Variants in GPD2 observed in about 807,000 individuals in gnomAD.
GPD2 encodes the protein glycerol-3-phosphate dehydrogenase 2, also known as glycerol-3-phosphate dehydrogenase, mitochondrial.
In GPD2, 54 loss-of-function variants were observed where a neutral mutation model predicts 82.4. That is an observed-to-expected ratio of 0.66 (90% CI 0.53 to 0.82). The LOEUF (loss-of-function observed/expected upper bound fraction) is 0.82. Ranked by LOEUF, GPD2 falls within the 40% of genes least tolerant of loss-of-function variation. GPD2 has a pLI of 0.00. For synonymous variants in GPD2, 288 were observed against 306.1 expected, an observed-to-expected ratio of 0.94 and a Z score of 0.62; for missense variants, 748 against 896.2, an observed-to-expected ratio of 0.83 and a Z score of 2.11.
chr2:156,499,846 C>A (rs1684523844), intron 3 of GPD2, among the ~76,000 whole-genome samples: 1 of 149,566 alleles, frequency 6.7e-6, no homozygotes, highest in African/African-American at 2.5e-5. Flanking sequence ...TGCTATTTGT[C>A]AATCAAGTTC....
intron 1 of GPD2, among the ~76,000 whole-genome samples, chr2:156,466,392 T>G (rs1279485230): frequency 6.6e-6 from 1 of 152,234 alleles, no homozygotes; most frequent in Non-Finnish European, 1.5e-5. Flanking sequence ...TATTTGCATT[T>G]AATGAATATA....
intron 9 of GPD2, among the ~76,000 whole-genome samples, chr2:156,565,377 A>G (rs978456857): frequency 6.6e-6 from 1 of 152,122 alleles, no homozygotes; most frequent in Non-Finnish European, 1.5e-5. Context: ...ACTTTTTACA[A>G]CTTGTTTTGA....
intron 16 of GPD2, among the ~76,000 whole-genome samples, chr2:156,580,293 A>G (rs1687982268): frequency 6.6e-6 from 1 of 152,224 alleles, no homozygotes; most frequent in South Asian, 2.1e-4. Context: ...AACATAAGGA[A>G]GGAAACTTGT....
Position 156,579,799 on chromosome 2 carries a change from GT to G in GPD2, c.2058+12del. 7.9e-7 allele frequency: 1 copy of G among 1,260,694 alleles called. No homozygotes were observed. The highest frequency in any genetic ancestry group is 1.2e-6 in the Non-Finnish European group (1 of 857,024). The allele number at this position is 1,260,694 out of a possible 1,614,324, so 78.1% of individuals were successfully genotyped here. On this transcript the variant is annotated intron_variant, in intron 16 of 16. Transcript: ENST00000438166. ...AATGAATTTTTGCAGGTGAGTTGTG[GT>G]GAAAGGAAACAAGGATATTTGCTTT... is the stretch of plus-strand genomic sequence containing the variant.
chr2:156,497,381 T>G (rs998074484), intron 3 of GPD2, among the ~76,000 whole-genome samples: 1 of 152,164 alleles, frequency 6.6e-6, no homozygotes, highest in Non-Finnish European at 1.5e-5. Flanking sequence ...CAGAACCAAT[T>G]GTCTTGGAGA....
chr2:156,564,556 A>G (rs1020984064), intron 9 of GPD2, among the ~76,000 whole-genome samples: 1 of 152,072 alleles, frequency 6.6e-6, no homozygotes, highest in Non-Finnish European at 1.5e-5. Flanking sequence ...CAAGGTCCTG[A>G]GGAGTCATTA....
intron 6 of GPD2, among the ~76,000 whole-genome samples, chr2:156,527,018 A>T (rs543945117): frequency 6.6e-5 from 10 of 152,256 alleles, no homozygotes; most frequent in Non-Finnish European, 1.3e-4. Flanking sequence ...TTTCAAGAGG[A>T]TCAGGAGTCT....
At chr2:156,579,490 G>A (rs946555508) in intron 15 of GPD2, among the ~76,000 whole-genome samples, 200 bp from the exon 16 acceptor site, 2 of 151,390 alleles carry the variant, frequency 1.3e-5, no homozygotes, top group Non-Finnish European at 2.9e-5. Context: ...CACCATGCCC[G>A]GCTAATTTTT....
At chr2:156,559,843 G>A (rs1687104450) in intron 9 of GPD2, among the ~76,000 whole-genome samples, 1 of 152,086 alleles carries the variant, frequency 6.6e-6, no homozygotes, top group Non-Finnish European at 1.5e-5. Context: ...TACTGAAACT[G>A]CATTACAATT....
intron 6 of GPD2, among the ~76,000 whole-genome samples, chr2:156,540,522 C>T (rs1553475094): frequency 6.6e-6 from 1 of 152,194 alleles, no homozygotes; most frequent in Non-Finnish European, 1.5e-5. Context: ...GCTATGGAAA[C>T]ATACCCATTT....
chr2:156,403,884 T>G, the GPD2 span, among the ~76,000 whole-genome samples: 2 of 152,222 alleles, frequency 1.3e-5, no homozygotes, highest in Non-Finnish European at 2.9e-5. Flanking sequence ...CGAAACTCTC[T>G]TGCAGAAGTT....
chr2:156,574,744 T>C (rs776322338), intron 13 of GPD2, among the ~76,000 whole-genome samples: 3 of 152,044 alleles, frequency 2.0e-5, no homozygotes, highest in Non-Finnish European at 2.9e-5. Context: ...TCAGGAATAA[T>C]GTGGATGTGT....
the GPD2 span, among the ~76,000 whole-genome samples, chr2:156,422,456 C>T: frequency 3.3e-5 from 5 of 152,060 alleles, no homozygotes; most frequent in Non-Finnish European, 5.9e-5. Flanking sequence ...GCAGGCTGGG[C>T]ACAGTGGCTC....
chr2:156,547,586 A>C lies in GPD2; in HGVS notation c.662-2022A>C, dbSNP rs147980385. 2.3e-3 allele frequency among the ~76,000 whole-genome samples: 346 copies of C among 152,314 alleles called. 2 individuals are homozygous for C. The highest frequency in any genetic ancestry group is 7.8e-3 in the African/African-American group (325 of 41,562). On this transcript the variant is annotated intron_variant, in intron 6 of 16. Coordinates refer to ENST00000438166, the MANE Select transcript of GPD2 (RefSeq NM_000408.5). ...TGCTGCTGGGAACTGGGGAGTGGAC[A>C]TAGAAAAACAAGGACCATAGGAACT...
At chr2:156,470,457 C>T (rs894730319) in intron 1 of GPD2, among the ~76,000 whole-genome samples, 1 of 152,160 alleles carries the variant, frequency 6.6e-6, no homozygotes, top group Non-Finnish European at 1.5e-5. Flanking sequence ...CCTTGGCCTC[C>T]CAAATTGCTG....
chr2:156,435,202 T>C (rs1213150034), upstream of GPD2: 1 of 152,174 alleles, frequency 6.6e-6, no homozygotes, highest in African/African-American at 2.4e-5. Context: ...TACCACTGCT[T>C]TTTGGTTCAC....
Position 156,484,547 on chromosome 2 carries a change from C to A in GPD2, c.102+8340C>A, listed in dbSNP as rs542358127. On this transcript the variant is annotated intron_variant, in intron 2 of 16. Transcript: ENST00000438166. ...AGAATAATGTTGCTTTTTAAAAATT[C>A]TTTCCTTGATGGCCAGTTGAGGTGG... Among the ~76,000 whole-genome samples, 18 of 152,094 alleles carry A rather than the reference C, an allele frequency of 1.2e-4. No individual in the cohort carries two copies. The East Asian group carries it at 2.5e-3, about 21-fold the overall frequency.
chr2:156,563,954 AT>A (rs1410037884), intron 9 of GPD2, among the ~76,000 whole-genome samples: 1 of 152,172 alleles, frequency 6.6e-6, no homozygotes, highest in Non-Finnish European at 1.5e-5. Flanking sequence ...CATGCTACTA[AT>A]GGCTAGCGAA....
chr2:156,493,064 C>T (rs963422359), intron 2 of GPD2, among the ~76,000 whole-genome samples: 2 of 152,146 alleles, frequency 1.3e-5, no homozygotes, highest in African/African-American at 2.4e-5. Context: ...TTCTCTCTCT[C>T]TCTTACTGTC....
Sources: gnomAD v4.1 joint callset for allele counts (sites outside exome capture counted in the v4.1 genomes callset) on GRCh38, gnomAD v4.1.1 for gene constraint, MANE v1.5 for transcripts, NCBI Gene and HGNC (gene_info 2026-07-23, HGNC 2026-07-21) for gene names.